Variants in DNAH3 observed in about 807,000 individuals in gnomAD.
The protein encoded by DNAH3 is axonemal beta dynein heavy chain 3.
Under a neutral mutation model 432.5 loss-of-function variants are expected in DNAH3, and 332 were observed. The ratio of observed to expected loss-of-function variants is 0.77; its 90% CI spans 0.70 to 0.84. The LOEUF is 0.84. Ranked by LOEUF, DNAH3 falls within the 40% of genes least tolerant of loss-of-function variation. DNAH3 has a pLI of 0.00. For synonymous variants in DNAH3, 1,956 were observed against 1,900.2 expected (o/e 1.03, Z -0.76); for missense variants, 4,861 against 5,114.0 (o/e 0.95, Z 1.51).
intron 1 of DNAH3, among the ~76,000 whole-genome samples, chr16:21,149,653 T>A (rs1188480696): frequency 6.6e-6 from 1 of 152,158 alleles, no homozygotes; most frequent in Non-Finnish European, 1.5e-5. Context: ...AGACTCTATG[T>A]TTTTAAGATG....
chr16:21,113,637 T>G (rs191167984), intron 12 of DNAH3, among the ~76,000 whole-genome samples: 153 of 152,268 alleles, frequency 1.0e-3, no homozygotes, highest in Non-Finnish European at 1.6e-3. Context: ...TTTGGTATTT[T>G]TAATAGAGAC....
At chr16:21,001,137 C>G (rs1366561797) in intron 42 of DNAH3, among the ~76,000 whole-genome samples, 1 of 152,166 alleles carries the variant, frequency 6.6e-6, no homozygotes, top group Non-Finnish European at 1.5e-5. Flanking sequence ...CTTACTAATC[C>G]CATGCCTTTT....
Position 21,022,108 on chromosome 16 carries a change from T to G in DNAH3, c.5647-8A>C. 6.2e-7 allele frequency: 1 copy of G among 1,613,414 alleles called. No individual in the cohort carries two copies. The highest frequency in any genetic ancestry group is 8.5e-7 in the Non-Finnish European group (1 of 1,179,830). On this transcript the variant is annotated splice_region_variant and splice_polypyrimidine_tract_variant and intron_variant, in intron 39 of 61. Coordinates refer to ENST00000261383, the Ensembl canonical transcript of DNAH3. Reference sequence around the variant, plus strand: ...CATGAACATGTCATTGACCTGAGAGTAGAAACCTCCATGAGACTTGGAGAC... The same window carrying G: ...CATGAACATGTCATTGACCTGAGAGGAGAAACCTCCATGAGACTTGGAGAC...
chr16:21,137,261 T>TG (rs972539535), intron 5 of DNAH3, among the ~76,000 whole-genome samples: 2 of 117,034 alleles, frequency 1.7e-5, no homozygotes, highest in African/African-American at 3.2e-5. Context: ...GATTTCTGTC[T>TG]AAAAAAAAAA....
rs71151610 is a variant in DNAH3 at position 20,972,763 on chromosome 16, T to TG, written c.8259+2469dup. Among the ~76,000 whole-genome samples the TG allele has an allele frequency of 4.8e-5, 7 of 146,398 alleles. No homozygotes were observed. The East Asian group carries it at 8.0e-4, about 17-fold the overall frequency. ...GATTTTTTTTTTTTTTTTTTTTTTT[T>TG]GGTCACTCAGGCTGGAGTGCAGTGG... On this transcript the variant is annotated intron_variant, in intron 51 of 61. Transcript: ENST00000261383.
At chr16:21,069,913 C>A (rs1180600289) in intron 22 of DNAH3, among the ~76,000 whole-genome samples, 1 of 152,186 alleles carries the variant, frequency 6.6e-6, no homozygotes, top group Admixed American at 6.5e-5. Context: ...AATCCCACAG[C>A]CTTACAAGGT....
intron 3 of DNAH3, among the ~76,000 whole-genome samples, chr16:21,142,504 A>G (rs1015540002): frequency 3.3e-5 from 5 of 152,186 alleles, no homozygotes; most frequent in Admixed American, 6.5e-5. Flanking sequence ...AGAAAAACCA[A>G]TATCATTTGC....
At chr16:21,122,095 T>A in exon 10 of DNAH3, 1 of 1,612,738 alleles carries the variant, frequency 6.2e-7, no homozygotes, top group Non-Finnish European at 8.5e-7. Context: ...ACTTCATCTC[T>A]TGGTAGGGCT....
intron 54 of DNAH3, among the ~76,000 whole-genome samples, chr16:20,958,763 C>A (rs2084682830): frequency 6.6e-6 from 1 of 151,990 alleles, no homozygotes; most frequent in Non-Finnish European, 1.5e-5. Flanking sequence ...TTCTGCTATA[C>A]TGAAGAGCTT....
chr16:21,014,474 A>G (rs1019021243), intron 41 of DNAH3, among the ~76,000 whole-genome samples: 1 of 152,220 alleles, frequency 6.6e-6, no homozygotes, highest in African/African-American at 2.4e-5. Flanking sequence ...AAGAATACCA[A>G]TGAAAAACCT....
chr16:21,121,880 T>G (rs2092350288), intron 10 of DNAH3, 65 bp downstream of exon 11: 1 of 1,446,746 alleles, frequency 6.9e-7, no homozygotes, highest in South Asian at 1.4e-5. Context: ...GTACAACCTC[T>G]TTCAATACAT....
chr16:21,073,259 C>T (rs1464062426), intron 21 of DNAH3, among the ~76,000 whole-genome samples: 1 of 152,184 alleles, frequency 6.6e-6, no homozygotes, highest in African/African-American at 2.4e-5. Flanking sequence ...TCTTGATCCC[C>T]ATTTAGCTAC....
intron 55 of DNAH3, 22 bp from the exon 56 acceptor site, chr16:20,952,571 G>C (rs372703654): frequency 6.9e-7 from 1 of 1,459,732 alleles, no homozygotes; most frequent in Non-Finnish European, 9.6e-7. Flanking sequence ...AGAGCAGAGA[G>C]AGGCTTCAGT....
At chr16:21,111,677 T>C in exon 14 of DNAH3, 1 of 1,614,030 alleles carries the variant, frequency 6.2e-7, no homozygotes, top group Non-Finnish European at 8.5e-7. Flanking sequence ...CAGATGGTCT[T>C]TAAGATTTTG....
intron 24 of DNAH3, among the ~76,000 whole-genome samples, chr16:21,066,359 A>G (rs942130109): frequency 6.6e-6 from 1 of 151,644 alleles, no homozygotes; most frequent in Non-Finnish European, 1.5e-5. Flanking sequence ...CCTTTCCGAA[A>G]CTAACCTTCT....
chr16:20,952,132 C>G (rs2084343457), intron 56 of DNAH3, among the ~76,000 whole-genome samples: 1 of 151,946 alleles, frequency 6.6e-6, no homozygotes, highest in African/African-American at 2.4e-5. Flanking sequence ...CCTGCCGTGG[C>G]CTTCCAAAGT....
At chr16:20,988,751 G>T (rs530808205) in intron 44 of DNAH3, among the ~76,000 whole-genome samples, 2 of 152,244 alleles carry the variant, frequency 1.3e-5, no homozygotes, top group Non-Finnish European at 2.9e-5. Context: ...AAATGAAGCC[G>T]CGACCCCTCG....
In DNAH3 at chr16:21,097,893, GGACA is replaced by G. The variant is rs770839684; in HGVS notation, c.2521-398_2521-395del. 9.9e-5 allele frequency among the ~76,000 whole-genome samples: 15 copies of G among 152,158 alleles called. No homozygotes were observed. The South Asian group carries it at 2.7e-3, about 27-fold the overall frequency. ...AAAGAACTTACTAGCTGATCTTTGGGGACAGTTACTTAGCTTCTCCAAGACTTAG... is the reference window on the plus strand; with the variant it reads ...AAAGAACTTACTAGCTGATCTTTGGGGTTACTTAGCTTCTCCAAGACTTAG... On this transcript the variant is annotated intron_variant, in intron 17 of 61. Coordinates refer to ENST00000261383, the Ensembl canonical transcript of DNAH3.
intron 58 of DNAH3, among the ~76,000 whole-genome samples, chr16:20,944,083 G>A (rs1005228439): frequency 3.3e-5 from 5 of 151,574 alleles, no homozygotes; most frequent in East Asian, 3.9e-4. Flanking sequence ...CTTTTTGTGC[G>A]TATCATGACT....
Sources: gnomAD v4.1 joint callset for allele counts (sites outside exome capture counted in the v4.1 genomes callset) on GRCh38, gnomAD v4.1.1 for gene constraint, MANE v1.5 for transcripts, NCBI Gene and HGNC (gene_info 2026-07-23, HGNC 2026-07-21) for gene names.